The following SNX31 variants were observed in gnomAD, a reference collection of about 807,000 sequenced individuals.
The protein encoded by SNX31 is sorting nexin-31.
In SNX31, 58 loss-of-function variants were observed where a neutral mutation model predicts 65.4. The ratio of observed to expected loss-of-function variants is 0.89; its 90% CI spans 0.72 to 1.10. SNX31 has a LOEUF of 1.10. Among genes scored for constraint, SNX31 ranks in the 50% least tolerant of loss-of-function variants. SNX31 has a pLI of 0.00. For synonymous variants in SNX31, 181 were observed against 190.1 expected (o/e 0.95, Z 0.39); for missense variants, 523 against 529.7 (o/e 0.99, Z 0.12).
chr8:100,624,751 C>T (rs1193720496), intron 4 of SNX31, among the ~76,000 whole-genome samples: 1 of 152,078 alleles, frequency 6.6e-6, no homozygotes, highest in African/African-American at 2.4e-5. Context: ...GAAAAGTCAA[C>T]CTGGTAGAAT....
At chr8:100,616,954 GGAAAAGGGCCTGGGAGCTTGCC>G in intron 5 of SNX31, among the ~76,000 whole-genome samples, 1 of 152,286 alleles carries the variant, frequency 6.6e-6, no homozygotes, top group African/African-American at 2.4e-5. Flanking sequence ...ACCTTCCAGA[GGAAAAGGGCCTGGGAGCTTGCC>G]CCCAGGCAGC....
intron 7 of SNX31, 24 bp from the exon 8 acceptor site, chr8:100,608,587 T>C (rs1301379262): frequency 1.2e-6 from 2 of 1,611,500 alleles, no homozygotes; most frequent in South Asian, 1.1e-5. Context: ...GAGTGTGAAA[T>C]TCATTCCTGT....
Position 100,649,570 on chromosome 8 carries a change from T to A in SNX31, c.-56A>T. 6.6e-7 allele frequency: 1 copy of A among 1,506,198 alleles called. No homozygotes were observed. The highest frequency in any genetic ancestry group is 1.4e-5 in the African/African-American group (1 of 72,298). 93.3% of individuals were successfully genotyped at this position (1,506,198 alleles called of 1,614,324 possible). Reference sequence around the variant, plus strand: ...GAACCCGACCTGCGGCGGCGGGCGGTGCGCGGCTCTGAACTCGGCAGCGGT... The same window carrying A: ...GAACCCGACCTGCGGCGGCGGGCGGAGCGCGGCTCTGAACTCGGCAGCGGT... On this transcript the variant is annotated 5_prime_UTR_variant, in exon 1 of 14. Transcript: ENST00000311812.
chr8:100,595,242 G>A (rs1031539497), intron 10 of SNX31, among the ~76,000 whole-genome samples: 4 of 151,694 alleles, frequency 2.6e-5, no homozygotes, highest in Non-Finnish European at 5.9e-5. Context: ...GAAGAATTAG[G>A]AAACTGTTCA....
chr8:100,623,107 C>T (rs547326707), intron 4 of SNX31, among the ~76,000 whole-genome samples: 1 of 152,254 alleles, frequency 6.6e-6, no homozygotes, highest in South Asian at 2.1e-4. Context: ...GCAAGCTGTA[C>T]AGAAGCATGA....
chr8:100,586,056 GATT>G (rs1339768185), intron 11 of SNX31, among the ~76,000 whole-genome samples: 7 of 152,124 alleles, frequency 4.6e-5, no homozygotes, highest in Non-Finnish European at 8.8e-5. Flanking sequence ...GAGTAGCTGG[GATT>G]ACAGGTGCCT....
Position 100,614,723 on chromosome 8 carries a change from T to A in SNX31, c.433-1638A>T, listed in dbSNP as rs192489640. 6.6e-6 allele frequency among the ~76,000 whole-genome samples: 1 copy of A among 151,754 alleles called. No individual in the cohort carries two copies. Among genetic ancestry groups the A allele is most frequent in the African/African-American group, 2.4e-5 (1 of 41,378 alleles). ...AACCCCATCTCTACTTAAAAAAAAATACAAAAATTAGCTGGGTATGGTGGC... is the reference window on the plus strand; with the variant it reads ...AACCCCATCTCTACTTAAAAAAAAAAACAAAAATTAGCTGGGTATGGTGGC... On this transcript the variant is annotated intron_variant, in intron 5 of 13. Transcript: ENST00000311812. The surrounding 1 kb of genome is among the most constrained non-coding windows in gnomAD (Gnocchi z 5.1).
At chr8:100,628,723 T>A (rs1307036128) in intron 4 of SNX31, among the ~76,000 whole-genome samples, 1 of 151,996 alleles carries the variant, frequency 6.6e-6, no homozygotes, top group Non-Finnish European at 1.5e-5. Flanking sequence ...ACATGTACCC[T>A]AAAACTTAAA....
chr8:100,635,010 A>G lies in SNX31; in HGVS notation c.256+887T>C, dbSNP rs1818660569. On this transcript the variant is annotated intron_variant, in intron 3 of 13. Transcript: ENST00000311812. Reference sequence around the variant, plus strand: ...CCCCCAGGAGACCAAGGCTATAGTTAGCCACGATTGTGCCACTGTACTCCA... The same window carrying G: ...CCCCCAGGAGACCAAGGCTATAGTTGGCCACGATTGTGCCACTGTACTCCA... Among the ~76,000 whole-genome samples the G allele has an allele frequency of 2.0e-5, 3 of 152,200 alleles. No individual in the cohort carries two copies. The South Asian group carries it at 6.2e-4, about 32-fold the overall frequency.
In SNX31 at chr8:100,609,797, G is replaced by T. The variant is rs1199217726; in HGVS notation, c.612-1234C>A. 6.6e-6 allele frequency among the ~76,000 whole-genome samples: 1 copy of T among 152,112 alleles called. No homozygotes were observed. Among genetic ancestry groups the T allele is most frequent in the Non-Finnish European group, 1.5e-5 (1 of 68,016 alleles). On this transcript the variant is annotated intron_variant, in intron 7 of 13. Coordinates refer to ENST00000311812, the MANE Select transcript of SNX31 (RefSeq NM_152628.4). The surrounding 1 kb of genome is among the most constrained non-coding windows in gnomAD (Gnocchi z 4.9). ...AACTATGCACCCACACATCCCAGAG[G>T]CCCCTGTGTGCAGAGAATAGACCCA...
chr8:100,597,737 TA>T (rs1212219977), intron 9 of SNX31, among the ~76,000 whole-genome samples: 3 of 152,338 alleles, frequency 2.0e-5, no homozygotes, highest in African/African-American at 7.2e-5. Context: ...GGAAGACTTT[TA>T]AAATTTAGCT....
chr8:100,634,922 G>T (rs1289784324), intron 3 of SNX31, among the ~76,000 whole-genome samples: 1 of 149,628 alleles, frequency 6.7e-6, no homozygotes, highest in Non-Finnish European at 1.5e-5. Context: ...AATTGGCCAG[G>T]CATGGTGCGT....
chr8:100,618,552 C>T (rs1257443309), intron 4 of SNX31: 3 of 555,832 alleles, frequency 5.4e-6, no homozygotes, highest in Non-Finnish European at 9.5e-6. Context: ...CACAAGACTA[C>T]CCCCTTCACA....
chr8:100,626,575 G>A lies in SNX31; in HGVS notation c.321+3752C>T, dbSNP rs968117405. The stretch of plus-strand genomic sequence containing the variant: ...CAAGAACTGGAAATACAACAGATTC[G>A]ATGAATTCAACTCAGGCCCCCTCCC... On this transcript the variant is annotated intron_variant, in intron 4 of 13. Coordinates refer to ENST00000311812, the MANE Select transcript of SNX31 (RefSeq NM_152628.4). This position sits in a 1 kb window ranked among gnomAD's most constrained non-coding sequence, Gnocchi z 4.4. Among the ~76,000 whole-genome samples the A allele has an allele frequency of 9.9e-5, 15 of 152,224 alleles. No individual in the cohort carries two copies. The highest frequency in any genetic ancestry group is 2.9e-4 in the African/African-American group (12 of 41,526).
chr8:100,639,660 G>A (rs1819019718), intron 2 of SNX31, among the ~76,000 whole-genome samples: 1 of 148,900 alleles, frequency 6.7e-6, no homozygotes, highest in Non-Finnish European at 1.5e-5. Flanking sequence ...TCATGTGTCT[G>A]TATACATGGG....
chr8:100,628,744 A>G (rs1424454836), intron 4 of SNX31, among the ~76,000 whole-genome samples: 1 of 152,052 alleles, frequency 6.6e-6, no homozygotes, highest in Non-Finnish European at 1.5e-5. Context: ...GTATAATAAT[A>G]ATAAAATTTT....
At chr8:100,650,937 C>T (rs1819953448), upstream of SNX31, among the ~76,000 whole-genome samples, 1 of 151,372 alleles carries the variant, frequency 6.6e-6, no homozygotes, top group South Asian at 2.1e-4. Context: ...ACCACAACCT[C>T]TGCCTCCCGG....
intron 4 of SNX31, among the ~76,000 whole-genome samples, chr8:100,623,237 C>T (rs1817819962): frequency 1.3e-5 from 2 of 152,070 alleles, no homozygotes; most frequent in South Asian, 4.1e-4. Flanking sequence ...GTGGAGGTGC[C>T]ACACACTTTT....
intron 4 of SNX31, among the ~76,000 whole-genome samples, chr8:100,621,372 A>T (rs1817679226): frequency 6.6e-6 from 1 of 152,214 alleles, no homozygotes; most frequent in Admixed American, 6.5e-5. Flanking sequence ...CTAAGCTACC[A>T]TGTGTTAAGC....
Sources: allele counts gnomAD v4.1 joint callset (sites outside exome capture counted in the v4.1 genomes callset), GRCh38; gene constraint gnomAD v4.1.1; non-coding constraint Gnocchi (gnomAD v3.1); transcripts MANE v1.5; gene names NCBI Gene and HGNC (gene_info 2026-07-23, HGNC 2026-07-21).